Variants in GLMN observed in about 807,000 individuals in gnomAD.
GLMN encodes the protein glomulin.
In GLMN, 75 loss-of-function variants were observed where a neutral mutation model predicts 87.8. The observed-to-expected ratio is 0.85, with a 90% CI of 0.71 to 1.04. GLMN has a LOEUF of 1.04. GLMN is among the 50% of genes least tolerant of loss of function. GLMN has a pLI of 0.00. For missense variants in GLMN, 588 were observed against 658.8 expected (o/e 0.89, Z 1.18); for synonymous variants, 206 against 221.6 (o/e 0.93, Z 0.63).
chr1:92,344,399 T>C, the GLMN span, among the ~76,000 whole-genome samples: 4 of 152,164 alleles, frequency 2.6e-5, no homozygotes, highest in African/African-American at 9.6e-5. Context: ...AGCAAGACTC[T>C]GTCTAAAAAA....
intron 7 of GLMN, among the ~76,000 whole-genome samples, chr1:92,276,804 T>A (rs1647351561): frequency 6.6e-6 from 1 of 152,222 alleles, no homozygotes; most frequent in African/African-American, 2.4e-5. Flanking sequence ...CTTGTTATAC[T>A]ACAGCAAGAA....
chr1:92,329,714 A>C, the GLMN span, among the ~76,000 whole-genome samples: 1 of 152,104 alleles, frequency 6.6e-6, no homozygotes, highest in Admixed American at 6.5e-5. Flanking sequence ...TTTAATATTA[A>C]ACCAACTTTG....
the GLMN span, among the ~76,000 whole-genome samples, chr1:92,320,402 A>T: frequency 6.6e-6 from 1 of 151,908 alleles, no homozygotes; most frequent in African/African-American, 2.4e-5. Flanking sequence ...CCTCCTGAGT[A>T]GCTGGGACTA....
the GLMN span, among the ~76,000 whole-genome samples, chr1:92,313,212 G>T: frequency 6.6e-6 from 1 of 152,122 alleles, no homozygotes; most frequent in South Asian, 2.1e-4. Context: ...CTTTCGTGAA[G>T]GATTTCTATT....
rs764580289 is a variant in GLMN at position 92,267,990 on chromosome 1, T to A, written c.1021A>T (p.Asn341Tyr). ...VISKGLELLENSLLRIEDNSL... is the reference protein window; with the variant it reads ...VISKGLELLEYSLLRIEDNSL... ...TTGTCTTCTATTCTCAATAAACTAT[T>A]CTCCAGCAGCTCCTACAGATTAAAA... Residue 341 changes from asparagine to tyrosine, a missense_variant, in exon 11 of 19, where the codon AAT becomes TAT. Asn to Tyr is a moderately radical substitution (Grantham distance 143, BLOSUM62 -2). Transcript: ENST00000370360. 5.8e-6 allele frequency: 9 copies of A among 1,565,058 alleles called. No homozygotes were observed. Among genetic ancestry groups the A allele is most frequent in the Non-Finnish European group, 7.9e-6 (9 of 1,135,290 alleles).
At chr1:92,298,428 G>C (rs966705309) in intron 1 of GLMN, among the ~76,000 whole-genome samples, 2 of 152,094 alleles carry the variant, frequency 1.3e-5, no homozygotes, top group African/African-American at 2.4e-5. Flanking sequence ...ATTTCCAAAA[G>C]GTGGACCTGA....
chr1:92,324,517 A>G, the GLMN span: 1 of 671,514 alleles, frequency 1.5e-6, no homozygotes, highest in Non-Finnish European at 2.5e-6. Context: ...CTTTTGGTTT[A>G]CAGTGCCATC....
intron 3 of GLMN, among the ~76,000 whole-genome samples, chr1:92,293,013 C>T (rs138578284): frequency 0.01 from 1,549 of 151,558 alleles, 17 homozygotes; most frequent in Admixed American, 0.019. Context: ...CAGAGACAGA[C>T]CCTATCTCAA....
At chr1:92,250,394 GTTAT>G (rs1177177392) in intron 16 of GLMN, among the ~76,000 whole-genome samples, 2 of 152,032 alleles carry the variant, frequency 1.3e-5, no homozygotes, top group Non-Finnish European at 2.9e-5. Context: ...GTTTTTGAGA[GTTAT>G]TTGTGTTGTA....
chr1:92,317,470 T>A, the GLMN span, among the ~76,000 whole-genome samples: 1 of 151,972 alleles, frequency 6.6e-6, no homozygotes, highest in Admixed American at 6.6e-5. Context: ...ATTGTGCCAC[T>A]GCACTCCAGC....
chr1:92,324,510 T>G, the GLMN span: 1 of 717,118 alleles, frequency 1.4e-6, no homozygotes, highest in African/African-American at 1.8e-5. Context: ...ATTCTGCCTT[T>G]TGGTTTACAG....
At chr1:92,297,647 T>G (rs897824935) in intron 2 of GLMN, 118 bp from the exon 3 acceptor site, 2 of 911,666 alleles carry the variant, frequency 2.2e-6, no homozygotes, top group Admixed American at 4.8e-5. Context: ...AAATTCTAGA[T>G]AAATGTAACG....
Position 92,289,032 on chromosome 1 carries a change from C to T in GLMN, c.514G>A (p.Gly172Ser). 6.2e-7 allele frequency: 1 copy of T among 1,607,814 alleles called. No homozygotes were observed. Among genetic ancestry groups the T allele is most frequent in the Middle Eastern group, 1.7e-4 (1 of 6,048 alleles). ...SKEQIQMDDY[G>S]LCQCCKALIE... The stretch of plus-strand genomic sequence containing the variant: ...AAGGCCTTGCAACACTGACAAAGGC[C>T]ATAGTCATCCATTTGTATTTGTTCT... The change falls in exon 6 of 19, where the codon GGC becomes AGC. Residue 172 changes from glycine to serine, a missense_variant. Physicochemically the swap from Gly to Ser is moderately conservative, Grantham distance 56. Transcript: ENST00000370360.
chr1:92,308,262 G>C, the GLMN span, among the ~76,000 whole-genome samples: 34 of 152,260 alleles, frequency 2.2e-4, no homozygotes, highest in Non-Finnish European at 5.9e-5. Flanking sequence ...CTTGATAATT[G>C]AGTTAAACAT....
chr1:92,250,193 T>C (rs1157230545), intron 16 of GLMN, among the ~76,000 whole-genome samples: 1 of 152,108 alleles, frequency 6.6e-6, no homozygotes, highest in East Asian at 1.9e-4. Flanking sequence ...TTTTATCATA[T>C]TTACTTTTAA....
chr1:92,255,585 A>AG (rs1161794863), intron 16 of GLMN, among the ~76,000 whole-genome samples: 1 of 152,232 alleles, frequency 6.6e-6, no homozygotes, highest in African/African-American at 2.4e-5. Context: ...GTGCAATCAA[A>AG]GTAGAACTCA....
chr1:92,323,405 A>C, the GLMN span: 12 of 1,393,452 alleles, frequency 8.6e-6, no homozygotes, highest in Non-Finnish European at 1.2e-5. Flanking sequence ...TTTATTTGCT[A>C]TTTTTTATTT....
At chr1:92,310,199 CTT>C in the GLMN span, among the ~76,000 whole-genome samples, 18 of 152,152 alleles carry the variant, frequency 1.2e-4, no homozygotes, top group African/African-American at 4.3e-4. Context: ...ATATCAGTAT[CTT>C]TTATATCTGG....
At chr1:92,269,660 ATC>A in intron 9 of GLMN, 61 bp downstream of exon 9, 1 of 1,065,706 alleles carries the variant, frequency 9.4e-7, no homozygotes, top group South Asian at 1.2e-5. Flanking sequence ...GTCTCCGCTG[ATC>A]TTAACAAGGA....
Sources: allele counts gnomAD v4.1 joint callset (sites outside exome capture counted in the v4.1 genomes callset), GRCh38; gene constraint gnomAD v4.1.1; transcripts MANE v1.5; gene names NCBI Gene and HGNC (gene_info 2026-07-23, HGNC 2026-07-21).